TMC8: variants seen among roughly 807,000 people sequenced by gnomAD.
TMC8 encodes the protein transmembrane channel-like protein 8.
Under a neutral mutation model 76.0 loss-of-function variants are expected in TMC8, and 71 were observed. The ratio of observed to expected loss-of-function variants is 0.93; its 90% CI spans 0.77 to 1.14. The LOEUF (loss-of-function observed/expected upper bound fraction) is 1.14. TMC8 is among the 50% of genes most tolerant of loss of function. The pLI, the probability that TMC8 is intolerant of heterozygous loss-of-function variation, is 0.00. For missense variants in TMC8, 924 were observed against 947.9 expected, an observed-to-expected ratio of 0.97 and a Z score of 0.33; for synonymous variants, 433 against 433.8, an observed-to-expected ratio of 1.00 and a Z score of 0.02.
rs752608090 is a variant in TMC8 at position 78,132,517 on chromosome 17, G to C, written c.448+9G>C. ...CCCCACCCTGAACTTGAGTGAGTGT[G>C]AGGCCCACCAGGGGAAGTGCTCCGG... On this transcript the variant is annotated intron_variant, in intron 4 of 15. Coordinates refer to ENST00000318430, the MANE Select transcript of TMC8 (RefSeq NM_152468.5). 31 of 1,607,088 alleles carry C rather than the reference G, an allele frequency of 1.9e-5. No homozygotes were observed. The highest frequency in any genetic ancestry group is 2.6e-5 in the Non-Finnish European group (31 of 1,177,966).
chr17:78,135,779 C>T (rs12603727), intron 9 of TMC8, among the ~76,000 whole-genome samples: 19,613 of 152,106 alleles, frequency 0.13, 1,333 homozygotes, highest in Middle Eastern at 0.19. Context: ...TTTTTGAGGC[C>T]GGGCATGGTG....
chr17:78,138,459 C>T lies in TMC8; in HGVS notation c.1644C>T (p.Pro548=). The T allele has an allele frequency of 6.2e-7, 1 of 1,613,300 alleles. No individual in the cohort carries two copies. Among genetic ancestry groups the T allele is most frequent in the Non-Finnish European group, 8.5e-7 (1 of 1,179,984 alleles). The stretch of plus-strand genomic sequence containing the variant: ...TGGGCCTGCTTCTGGCTGCAGTGCC[C>T]CTGGGCTATGTGGTCAGCAGGTGAG... ...LLLGLLLAAV[P]LGYVVSSIHS... is the part of the protein sequence containing the mutation. The change falls in exon 13 of 16, where the codon CCC becomes CCT. Residue 548 remains proline, a synonymous_variant. Transcript: ENST00000318430.
rs121908330 is a variant in TMC8, at chr17:78,134,966, G to A, written c.1084G>A (p.Glu362Lys). Residue 362 changes from glutamate (E) to lysine (K), a missense_variant, in exon 9 of 16, where the codon GAG becomes AAG. Coordinates refer to ENST00000318430, the MANE Select transcript of TMC8 (RefSeq NM_152468.5). ...PLLFTFLVQL[E>K]NYPPNTEVNL... ...GCTGTTCACATTTCTGGTCCAGCTGGAGAACTACCCTCCCAACACGGAGGT... is the reference window on the plus strand; with the variant it reads ...GCTGTTCACATTTCTGGTCCAGCTGAAGAACTACCCTCCCAACACGGAGGT... 10 of 1,613,946 alleles carry A rather than the reference G, an allele frequency of 6.2e-6. No homozygotes were observed. Among genetic ancestry groups the A allele is most frequent in the Non-Finnish European group, 8.5e-6 (10 of 1,179,990 alleles).
At position 78,138,143 on chromosome 17, in the gene TMC8, C is replaced by T. The variant is rs2145710951; in HGVS notation, c.1488C>T (p.Pro496=). ...GCCTCTTCTACTGCCCCCTGCTGCC[C>T]CTGCTGAATAGCGTCTTCCTCTTCC... ...WMGLFYCPLL[P]LLNSVFLFLT... The change falls in exon 12 of 16, where the codon CCC becomes CCT. Residue 496 remains proline, a synonymous_variant. Coordinates refer to ENST00000318430, the MANE Select transcript of TMC8 (RefSeq NM_152468.5). 6.2e-7 allele frequency: 1 copy of T among 1,613,942 alleles called. No individual in the cohort carries two copies. The highest frequency in any genetic ancestry group is 1.3e-5 in the African/African-American group (1 of 75,004).
rs757524526 is a variant in TMC8 at position 78,134,466 on chromosome 17, C to G, written c.889C>G (p.Leu297Val). 1.9e-6 allele frequency: 3 copies of G among 1,613,982 alleles called. No individual in the cohort carries two copies. The Admixed American group carries it at 5.0e-5, about 27-fold the overall frequency. Residue 297 changes from leucine (L) to valine (V), a missense_variant, in exon 8 of 16, where the codon CTC becomes GTC. By Grantham distance (32) the Leu-to-Val change is conservative. Transcript: ENST00000318430. ...QTRAQTACRL[L>V]SYLRVNVLNG... is the part of the protein sequence containing the mutation. ...CCGGGCCCAGACGGCCTGCCGCCTGCTCTCCTACCTGCGGGTCAACGTACT... is the reference window on the plus strand; with the variant it reads ...CCGGGCCCAGACGGCCTGCCGCCTGGTCTCCTACCTGCGGGTCAACGTACT...
At position 78,137,324 on chromosome 17, in the gene TMC8, G is replaced by A. The variant is rs1302231365; in HGVS notation, c.1217G>A (p.Cys406Tyr). The A allele has an allele frequency of 3.7e-6, 6 of 1,613,946 alleles. No homozygotes were observed. The Admixed American group carries it at 6.7e-5, about 18-fold the overall frequency. ...TGCATTGGCAGAGACAAGAGCAGCTGTGAGTCCTACGGCTACAACGTTTGT... is the reference window on the plus strand; with the variant it reads ...TGCATTGGCAGAGACAAGAGCAGCTATGAGTCCTACGGCTACAACGTTTGT... ...ILCIGRDKSS[C>Y]ESYGYNVCDY... The change falls in exon 10 of 16, where the codon TGT (cysteine) becomes TAT (tyrosine). Residue 406 changes from cysteine to tyrosine, a missense_variant. Physicochemically the swap from Cys to Tyr is radical, Grantham distance 194 (BLOSUM62 -2). Coordinates refer to ENST00000318430, the MANE Select transcript of TMC8 (RefSeq NM_152468.5).
At chr17:78,132,693 G>C (rs1365844356) in intron 4 of TMC8, 95 bp from the exon 5 acceptor site, 1 of 1,531,560 alleles carries the variant, frequency 6.5e-7, no homozygotes, top group Non-Finnish European at 9.0e-7. Flanking sequence ...CCCCTGCCCA[G>C]GCCTCCCCAG....
chr17:78,135,745 G>A (rs1043330359), intron 9 of TMC8, among the ~76,000 whole-genome samples: 1 of 152,196 alleles, frequency 6.6e-6, no homozygotes, highest in African/African-American at 2.4e-5. Context: ...AGTCAGCTGT[G>A]TTTGGTTTGC....
At chr17:78,140,718 C>T (rs2075354814) in intron 15 of TMC8, 116 bp from the exon 16 acceptor site, 1 of 1,415,482 alleles carries the variant, frequency 7.1e-7, no homozygotes, top group African/African-American at 1.4e-5. Flanking sequence ...GGCGTGGCCT[C>T]TGGCTACTTT....
chr17:78,137,897 G>A, intron 11 of TMC8, 83 bp downstream of exon 11: 1 of 1,595,922 alleles, frequency 6.3e-7, no homozygotes. Flanking sequence ...CCAAGGGTGA[G>A]CGGGTCCAGT....
intron 2 of TMC8, 39 bp downstream of exon 2, chr17:78,131,776 G>GA: frequency 6.4e-7 from 1 of 1,556,472 alleles, no homozygotes; most frequent in Non-Finnish European, 8.7e-7. Flanking sequence ...CGTGGGGGGG[G>GA]TGCTGCGAGG....
At position 78,141,167 on chromosome 17, in the gene TMC8, C is replaced by T; in HGVS notation, c.*55C>T. 6.9e-7 allele frequency: 1 copy of T among 1,451,856 alleles called. No homozygotes were observed. The highest frequency in any genetic ancestry group is 9.1e-7 in the Non-Finnish European group (1 of 1,100,546). The allele number at this position is 1,451,856 out of a possible 1,614,324, so 89.9% of individuals were successfully genotyped here. On this transcript the variant is annotated 3_prime_UTR_variant, in exon 16 of 16. Transcript: ENST00000318430. ...TGGGGCCCCTTCAGGCCTCCTTACT[C>T]CATCTTCCAGACCCCTGGCGACCAC...
chr17:78,133,615 C>A, intron 6 of TMC8, 73 bp downstream of exon 6: 2 of 1,596,422 alleles, frequency 1.3e-6, no homozygotes, highest in Non-Finnish European at 1.7e-6. Flanking sequence ...TGGCAGGGTA[C>A]CCTCCCATTG....
At position 78,140,934 on chromosome 17, in the gene TMC8, C is replaced by A; in HGVS notation, c.2003C>A (p.Ala668Asp). The A allele has an allele frequency of 6.3e-7, 1 of 1,597,628 alleles. No homozygotes were observed. Among genetic ancestry groups the A allele is most frequent in the African/African-American group, 1.3e-5 (1 of 74,776 alleles). Residue 668 changes from alanine (A) to aspartate (D), a missense_variant, in exon 16 of 16, where the codon GCT becomes GAT. By Grantham distance (126) the Ala-to-Asp change is moderately radical (BLOSUM62 -2). Coordinates refer to ENST00000318430, the MANE Select transcript of TMC8 (RefSeq NM_152468.5). Reference protein sequence around the residue: ...SPGPKYPASQASRPQSFCPGC... With the variant: ...SPGPKYPASQDSRPQSFCPGC... The stretch of plus-strand genomic sequence containing the variant: ...GGCCCCAAGTACCCTGCCTCCCAAG[C>A]TTCGCGCCCGCAGTCCTTCTGCCCC...
chr17:78,133,384 G>C (rs750540167), intron 5 of TMC8, 22 bp from the exon 6 acceptor site: 1 of 1,613,608 alleles, frequency 6.2e-7, no homozygotes, highest in Non-Finnish European at 8.5e-7. Flanking sequence ...CCCGGGCTGG[G>C]TATCTTCGTC....
At position 78,134,465 on chromosome 17, in the gene TMC8, G is replaced by A; in HGVS notation, c.888G>A (p.Leu296=). ...QQTRAQTACR[L]LSYLRVNVLN... ...CCCGGGCCCAGACGGCCTGCCGCCTGCTCTCCTACCTGCGGGTCAACGTAC... is the reference window on the plus strand; with the variant it reads ...CCCGGGCCCAGACGGCCTGCCGCCTACTCTCCTACCTGCGGGTCAACGTAC... The change falls in exon 8 of 16, where the codon CTG becomes CTA. Residue 296 remains leucine, a synonymous_variant. Transcript: ENST00000318430. The A allele has an allele frequency of 6.2e-7, 1 of 1,613,944 alleles. No individual in the cohort carries two copies. The highest frequency in any genetic ancestry group is 8.5e-7 in the Non-Finnish European group (1 of 1,180,048).
At position 78,138,066 on chromosome 17, in the gene TMC8, G is replaced by C. The variant is rs747755714; in HGVS notation, c.1411G>C (p.Val471Leu). Reference protein sequence around the residue: ...WAWLEREEFLVPKNVLDIVAG... With the variant: ...WAWLEREEFLLPKNVLDIVAG... ...CTGGCTGGAACGGGAGGAGTTCCTG[G>C]TCCCCAAGAATGTGCTGGACATCGT... Residue 471 changes from valine (V) to leucine (L), a missense_variant, in exon 12 of 16, where the codon GTC becomes CTC. Physicochemically the swap from Val to Leu is conservative, Grantham distance 32. Transcript: ENST00000318430. The C allele has an allele frequency of 5.6e-6, 9 of 1,613,906 alleles. No homozygotes were observed. The Admixed American group carries it at 1.0e-4, about 18-fold the overall frequency.
rs11651741 is a variant in TMC8 at position 78,138,326 on chromosome 17, G to A, written c.1534-23G>A. 62,165 of 1,610,662 alleles carry A rather than the reference G, an allele frequency of 0.039. 1,468 individuals carry two copies. Among genetic ancestry groups the A allele is most frequent in the South Asian group, 0.085 (7,733 of 91,086 alleles). On this transcript the variant is annotated intron_variant, in intron 12 of 15. Coordinates refer to ENST00000318430, the MANE Select transcript of TMC8 (RefSeq NM_152468.5). ...GGTCTGCATAACTCGCTGACTCCTG[G>A]TTGCTATTGCTTGCGCCCCCAGTAC...
intron 3 of TMC8, 61 bp from the exon 4 acceptor site, chr17:78,132,298 T>C: frequency 6.3e-7 from 1 of 1,596,606 alleles, no homozygotes; most frequent in Non-Finnish European, 8.6e-7. Flanking sequence ...GCCCTTGGAC[T>C]CTCAGCGCGG....
Sources: gnomAD v4.1 joint callset for allele counts (sites outside exome capture counted in the v4.1 genomes callset) on GRCh38, gnomAD v4.1.1 for gene constraint, MANE v1.5 for transcripts, NCBI Gene and HGNC (gene_info 2026-07-23, HGNC 2026-07-21) for gene names.